The following GFRA1 variants were observed in gnomAD, a reference collection of about 807,000 sequenced individuals.
GFRA1 encodes GDNF family receptor alpha 1.
GFRA1 carries 16 observed loss-of-function variants against 51.6 expected under a neutral mutation model. The ratio of observed to expected loss-of-function variants is 0.31; its 90% CI spans 0.21 to 0.47. GFRA1 has a LOEUF of 0.47. GFRA1 is among the 20% of genes least tolerant of loss of function. GFRA1 has a pLI of 1.00. For synonymous variants in GFRA1, 270 were observed against 241.3 expected (o/e 1.12, Z -1.10); for missense variants, 530 against 594.3 (o/e 0.89, Z 1.13).
intron 5 of GFRA1, among the ~76,000 whole-genome samples, chr10:116,196,709 TATATAGTACTATATATA>T (rs1963882244): frequency 2.9e-5 from 3 of 103,678 alleles, no homozygotes; most frequent in African/African-American, 1.3e-4. Context: ...ATATATATTA[TATATAGTACTATATATA>T]ATATATAATA....
rs188435725 is a variant in GFRA1, at chr10:116,060,946, C to T, written c.*3452G>A. 2 of 152,296 alleles carry T rather than the reference C, an allele frequency of 1.3e-5. No individual in the cohort carries two copies. The highest frequency in any genetic ancestry group is 4.8e-5 in the African/African-American group (2 of 41,554). The allele number at this position is 152,296 out of a possible 1,614,324, so 9.4% of individuals were successfully genotyped here. On this transcript the variant is annotated 3_prime_UTR_variant, in exon 11 of 11. Coordinates refer to ENST00000355422, the MANE Select transcript of GFRA1 (RefSeq NM_005264.8). Reference sequence around the variant, plus strand: ...AAAGAATTCGCTAATTATATAAACTCCCACTGCTCTTACATCTCTTTTCCC... The same window carrying T: ...AAAGAATTCGCTAATTATATAAACTTCCACTGCTCTTACATCTCTTTTCCC...
rs2072277 is a variant in GFRA1, at chr10:116,063,693, T to C, written c.*705A>G. On this transcript the variant is annotated 3_prime_UTR_variant, in exon 11 of 11. Coordinates refer to ENST00000355422, the MANE Select transcript of GFRA1 (RefSeq NM_005264.8). ...GAGTGTCGTTCAGGGATTGAGGTAT[T>C]GAATCGGCACACTCATTCCCCACTC... The C allele has an allele frequency of 0.13, 20,097 of 152,292 alleles. 1,949 individuals are homozygous for C. The highest frequency in any genetic ancestry group is 0.49 in the East Asian group (2,509 of 5,142). 9.4% of individuals were successfully genotyped at this position (152,292 alleles called of 1,614,324 possible). A position where few individuals can be genotyped will look rare whatever the true frequency, so the allele number is the denominator to read the frequency against.
chr10:116,251,183 C>T (rs575254320), intron 4 of GFRA1, among the ~76,000 whole-genome samples: 118 of 152,310 alleles, frequency 7.7e-4, no homozygotes, highest in African/African-American at 2.8e-3. Flanking sequence ...CTATAAGTTT[C>T]GTGAGTTCAT....
Position 116,106,838 on chromosome 10 carries a change from C to A in GFRA1, c.771-10074G>T, listed in dbSNP as rs151007773. On this transcript the variant is annotated intron_variant, in intron 6 of 10. Coordinates refer to ENST00000355422, the MANE Select transcript of GFRA1 (RefSeq NM_005264.8). Reference sequence around the variant, plus strand: ...GGTGTCTGGGACACAGGGACAGATCCCTCATGGCTTGGTGCTGTCCTTGTG... The same window carrying A: ...GGTGTCTGGGACACAGGGACAGATCACTCATGGCTTGGTGCTGTCCTTGTG... Among the ~76,000 whole-genome samples the A allele has an allele frequency of 2.9e-3, 447 of 152,084 alleles. 4 individuals carry two copies. Among genetic ancestry groups the A allele is most frequent in the African/African-American group, 0.01 (428 of 41,482 alleles).
At chr10:116,166,955 A>G (rs933193326) in intron 5 of GFRA1, among the ~76,000 whole-genome samples, 7 of 151,246 alleles carry the variant, frequency 4.6e-5, no homozygotes, top group Non-Finnish European at 1.0e-4. Flanking sequence ...GCCCGCCTCC[A>G]CACCCGGCTA....
intron 5 of GFRA1, among the ~76,000 whole-genome samples, chr10:116,203,253 T>C (rs1964479467): frequency 6.6e-6 from 1 of 152,218 alleles, no homozygotes; most frequent in African/African-American, 2.4e-5. Context: ...AAAATTTGTA[T>C]GAATCAACTA....
At chr10:116,078,548 T>C (rs7893360) in intron 9 of GFRA1, among the ~76,000 whole-genome samples, 40,346 of 152,024 alleles carry the variant, frequency 0.27, 10,158 homozygotes, top group African/African-American at 0.64. Flanking sequence ...GTGAGGGGCC[T>C]TGCAGCTTAA....
At chr10:116,187,538 G>T (rs1470685287) in intron 5 of GFRA1, among the ~76,000 whole-genome samples, 1 of 152,100 alleles carries the variant, frequency 6.6e-6, no homozygotes, top group East Asian at 1.9e-4. Flanking sequence ...AATAATCTAG[G>T]AGTTAGTGGC....
At chr10:116,098,561 G>A (rs939235867) in intron 6 of GFRA1, among the ~76,000 whole-genome samples, 1 of 152,156 alleles carries the variant, frequency 6.6e-6, no homozygotes, top group African/African-American at 2.4e-5. Flanking sequence ...AAGGCCAACT[G>A]CAAGTTCAGG....
At chr10:116,246,112 T>C (rs1967845522) in intron 4 of GFRA1, among the ~76,000 whole-genome samples, 1 of 152,182 alleles carries the variant, frequency 6.6e-6, no homozygotes, top group African/African-American at 2.4e-5. Context: ...GACTCATTAA[T>C]TGTAACAAAT....
chr10:116,106,769 T>G (rs1205591319), intron 6 of GFRA1, among the ~76,000 whole-genome samples: 1 of 148,006 alleles, frequency 6.8e-6, no homozygotes, highest in East Asian at 2.0e-4. Context: ...CCAAATCTCA[T>G]GTTGAGATGG....
rs758044323 is a variant in GFRA1, at chr10:116,255,739, A to G, written c.418+13764T>C. 3.9e-6 allele frequency: 5 copies of G among 1,288,850 alleles called. No homozygotes were observed. The South Asian group carries it at 6.2e-5, about 16-fold the overall frequency. The allele number at this position is 1,288,850 out of a possible 1,614,324, so 79.8% of individuals were successfully genotyped here. Reference sequence around the variant, plus strand: ...TTCCTCTCTCCTTCTCCCCTTCTTTACATGGCATTGCACTCTGCACTTTCT... The same window carrying G: ...TTCCTCTCTCCTTCTCCCCTTCTTTGCATGGCATTGCACTCTGCACTTTCT... On this transcript the variant is annotated intron_variant, in intron 4 of 10. Transcript: ENST00000355422.
At chr10:116,151,067 G>A (rs1959045629) in intron 5 of GFRA1, among the ~76,000 whole-genome samples, 1 of 151,798 alleles carries the variant, frequency 6.6e-6, no homozygotes, top group Admixed American at 6.6e-5. Context: ...CTTCCCATGA[G>A]CCACATCTGA....
intron 5 of GFRA1, among the ~76,000 whole-genome samples, chr10:116,143,347 G>C (rs1206540470): frequency 7.5e-6 from 1 of 132,678 alleles, no homozygotes; most frequent in Non-Finnish European, 1.7e-5. Context: ...AAAAAAAAAA[G>C]GACCTAGAAG....
At chr10:116,073,277 C>T (rs575566213) in intron 9 of GFRA1, among the ~76,000 whole-genome samples, 19 of 152,316 alleles carry the variant, frequency 1.2e-4, no homozygotes, top group Admixed American at 3.3e-4. Flanking sequence ...CAGCATAGAG[C>T]TTCACAGGGT....
At chr10:116,093,880 C>A in intron 7 of GFRA1, 44 bp from the exon 8 acceptor site, 1 of 1,601,000 alleles carries the variant, frequency 6.2e-7, no homozygotes, top group Non-Finnish European at 8.6e-7. Flanking sequence ...TATGATGATA[C>A]TTTTCCATGG....
intron 4 of GFRA1, among the ~76,000 whole-genome samples, chr10:116,222,077 G>T (rs1965963151): frequency 6.6e-6 from 1 of 152,116 alleles, no homozygotes; most frequent in Non-Finnish European, 1.5e-5. Context: ...ATCCTACTTG[G>T]GTTTATGAAA....
intron 5 of GFRA1, among the ~76,000 whole-genome samples, chr10:116,159,659 C>T (rs1311079593): frequency 6.6e-6 from 1 of 152,194 alleles, no homozygotes; most frequent in Non-Finnish European, 1.5e-5. Flanking sequence ...TTGCACTACA[C>T]CCTGCACTGC....
At chr10:116,116,303 G>C (rs1957410577) in intron 6 of GFRA1, among the ~76,000 whole-genome samples, 1 of 152,162 alleles carries the variant, frequency 6.6e-6, no homozygotes, top group African/African-American at 2.4e-5. Flanking sequence ...TAACATAATG[G>C]CCACAAGCCA....
Sources: allele counts gnomAD v4.1 joint callset (sites outside exome capture counted in the v4.1 genomes callset), GRCh38; gene constraint gnomAD v4.1.1; transcripts MANE v1.5; gene names NCBI Gene and HGNC (gene_info 2026-07-23, HGNC 2026-07-21).